TTLL7: variants seen among roughly 807,000 people sequenced by gnomAD.
TTLL7 encodes the protein tubulin polyglutamylase TTLL7.
A neutral mutation model predicts 120.2 loss-of-function variants in TTLL7; 53 were observed. The ratio of observed to expected loss-of-function variants is 0.44; its 90% CI spans 0.35 to 0.55. The LOEUF (loss-of-function observed/expected upper bound fraction) is 0.55, where lower values mean the gene tolerates loss of function less well. TTLL7 is among the 20% of genes least tolerant of loss of function. The pLI, the probability that TTLL7 is intolerant of heterozygous loss-of-function variation, is 0.00. For synonymous variants in TTLL7, 353 were observed against 351.7 expected (o/e 1.00, Z -0.04); for missense variants, 803 against 1,054.7 (o/e 0.76, Z 3.31).
intron 17 of TTLL7, among the ~76,000 whole-genome samples, chr1:83,905,814 C>T (rs553869413): frequency 6.6e-6 from 1 of 151,884 alleles, no homozygotes; most frequent in African/African-American, 2.4e-5. Flanking sequence ...GAATGTTCCA[C>T]TGGGTGGTGC....
At chr1:83,933,246 C>G (rs566212477) in intron 9 of TTLL7, among the ~76,000 whole-genome samples, 2 of 152,102 alleles carry the variant, frequency 1.3e-5, no homozygotes, top group Non-Finnish European at 2.9e-5. Context: ...TCCTGAAGCC[C>G]AGGCACTCAC....
At chr1:83,919,919 A>C (rs1658501575) in intron 12 of TTLL7, 85 bp from the exon 13 acceptor site, 2 of 1,345,068 alleles carry the variant, frequency 1.5e-6, no homozygotes, top group Non-Finnish European at 2.1e-6. Flanking sequence ...ACAATCCTTG[A>C]CCATCTATTC....
chr1:83,976,427 G>A (rs1181384943), intron 1 of TTLL7, among the ~76,000 whole-genome samples: 1 of 151,944 alleles, frequency 6.6e-6, no homozygotes, highest in Non-Finnish European at 1.5e-5. Context: ...CTCTCATTCT[G>A]AGCAAAACAA....
Position 83,938,078 on chromosome 1 carries a change from G to A in TTLL7, c.724-62C>T. 4.6e-6 allele frequency: 7 copies of A among 1,531,238 alleles called. No individual in the cohort carries two copies. In the Admixed American group the frequency reaches 7.3e-5, roughly 16 times the overall value. The allele number at this position is 1,531,238 out of a possible 1,614,324, so 94.9% of individuals were successfully genotyped here. ...GACATCCTAGAACTGCGAAGTTTCA[G>A]AGGAAAAAAAGACACTCAAAGACTA... On this transcript the variant is annotated intron_variant, in intron 7 of 20. Transcript: ENST00000260505.
chr1:83,969,484 C>A (rs1224884641), intron 1 of TTLL7, among the ~76,000 whole-genome samples: 1 of 151,882 alleles, frequency 6.6e-6, no homozygotes, highest in African/African-American at 2.4e-5. Context: ...AAACTCAAAG[C>A]AATTTATTAG....
rs767425696 is a variant in TTLL7, at chr1:83,949,994, T to A, written c.158-8A>T. 6.2e-7 allele frequency: 1 copy of A among 1,606,170 alleles called. No individual in the cohort carries two copies. The highest frequency in any genetic ancestry group is 1.1e-5 in the South Asian group (1 of 89,092). ...CATCTATTACTAAACGAACTGCAAG[T>A]AAACAGTTAAGTTAAACCAAAATTA... On this transcript the variant is annotated splice_region_variant and splice_polypyrimidine_tract_variant and intron_variant, in intron 3 of 20. Coordinates refer to ENST00000260505, the MANE Select transcript of TTLL7 (RefSeq NM_024686.6).
chr1:83,977,258 G>A (rs1241628218), intron 1 of TTLL7, among the ~76,000 whole-genome samples: 2 of 151,944 alleles, frequency 1.3e-5, no homozygotes, highest in Admixed American at 6.6e-5. Flanking sequence ...TTAGAAGAAA[G>A]TAATTTAAAA....
At chr1:83,991,765 T>A (rs1463553341) in intron 1 of TTLL7, among the ~76,000 whole-genome samples, 1 of 152,176 alleles carries the variant, frequency 6.6e-6, no homozygotes, top group Non-Finnish European at 1.5e-5. Flanking sequence ...ATGTTCACAC[T>A]CTTGAACTAT....
intron 1 of TTLL7, among the ~76,000 whole-genome samples, chr1:83,972,401 T>C (rs1651073003): frequency 6.6e-6 from 1 of 152,094 alleles, no homozygotes; most frequent in Non-Finnish European, 1.5e-5. Flanking sequence ...CACAGTAATA[T>C]GCATTTAAGG....
intron 16 of TTLL7, 138 bp downstream of exon 16, chr1:83,907,318 G>T: frequency 1.4e-6 from 1 of 721,436 alleles, no homozygotes; most frequent in Non-Finnish European, 2.3e-6. Context: ...TAAGGTAGGT[G>T]AATAATCCAA....
At chr1:83,925,879 T>C (rs1181257946) in intron 10 of TTLL7, among the ~76,000 whole-genome samples, 3 of 152,094 alleles carry the variant, frequency 2.0e-5, no homozygotes, top group South Asian at 2.1e-4. Flanking sequence ...CTCAGCACTT[T>C]GGGAGGCCGA....
At chr1:83,992,043 T>C (rs1327200373) in intron 1 of TTLL7, among the ~76,000 whole-genome samples, 5 of 152,150 alleles carry the variant, frequency 3.3e-5, no homozygotes, top group Non-Finnish European at 7.4e-5. Context: ...TTGATGCATA[T>C]TATATACTCA....
At chr1:83,987,919 C>G (rs545586344) in intron 1 of TTLL7, among the ~76,000 whole-genome samples, 1 of 152,274 alleles carries the variant, frequency 6.6e-6, no homozygotes, top group South Asian at 2.1e-4. Flanking sequence ...GGTACATGTA[C>G]AGGTTTGTCA....
intron 20 of TTLL7, among the ~76,000 whole-genome samples, chr1:83,878,715 G>GT (rs972709362): frequency 6.6e-6 from 1 of 151,928 alleles, no homozygotes; most frequent in Non-Finnish European, 1.5e-5. Context: ...TTTTTAAAAT[G>GT]TTTTTTAGCT....
intron 1 of TTLL7, among the ~76,000 whole-genome samples, chr1:83,975,481 G>C (rs1421122885): frequency 1.3e-5 from 2 of 151,876 alleles, no homozygotes; most frequent in Non-Finnish European, 2.9e-5. Context: ...AGATCTGTTT[G>C]ATTCTCAGAA....
At chr1:83,892,255 TGAATATATATAC>T (rs1487829244) in intron 18 of TTLL7, among the ~76,000 whole-genome samples, 1 of 138,844 alleles carries the variant, frequency 7.2e-6, no homozygotes, top group East Asian at 2.0e-4. Context: ...TATGTATATA[TGAATATATATAC>T]GAATATATAT....
At chr1:83,987,714 CTT>C (rs1652605870) in intron 1 of TTLL7, among the ~76,000 whole-genome samples, 1 of 152,066 alleles carries the variant, frequency 6.6e-6, no homozygotes, top group African/African-American at 2.4e-5. Context: ...CAACTTTAAA[CTT>C]TTTGTGCACC....
At chr1:83,998,159 C>T (rs1443649390) in intron 1 of TTLL7, among the ~76,000 whole-genome samples, 8 of 152,152 alleles carry the variant, frequency 5.3e-5, no homozygotes. Context: ...AACCTATATT[C>T]GAATTCCTGT....
intron 17 of TTLL7, among the ~76,000 whole-genome samples, chr1:83,905,317 T>C (rs1405881748): frequency 2.6e-5 from 4 of 151,980 alleles, no homozygotes; most frequent in African/African-American, 4.8e-5. Flanking sequence ...GCTTTGCTTA[T>C]GACTGTGTCA....
Sources: allele counts gnomAD v4.1 joint callset (sites outside exome capture counted in the v4.1 genomes callset), GRCh38; gene constraint gnomAD v4.1.1; transcripts MANE v1.5; gene names NCBI Gene and HGNC (gene_info 2026-07-23, HGNC 2026-07-21).